The following KLF8 variants were observed in gnomAD, a reference collection of about 807,000 sequenced individuals.
KLF8 encodes the protein Krueppel-like factor 8.
In KLF8, 10 loss-of-function variants were observed where a neutral mutation model predicts 18.2. That is an observed-to-expected ratio of 0.55 (90% CI 0.34 to 0.93). The LOEUF is 0.93. Ranked by LOEUF, KLF8 falls within the 40% of genes least tolerant of loss-of-function variation. KLF8 has a pLI of 0.02. For missense variants in KLF8, 264 were observed against 277.9 expected (o/e 0.95, Z 0.36); for synonymous variants, 109 against 97.3 (o/e 1.12, Z -0.71).
chrX:56,166,852 G>C, the KLF8 span, among the ~76,000 whole-genome samples: 1 of 111,578 alleles, frequency 9.0e-6, no homozygotes, highest in Non-Finnish European at 1.9e-5. Context: ...GCCTACTATA[G>C]AGGTGCTCCA....
At chrX:55,973,959 T>A in the KLF8 span, among the ~76,000 whole-genome samples, 96 of 111,768 alleles carry the variant, frequency 8.6e-4, no homozygotes, top group African/African-American at 2.7e-3. Flanking sequence ...GTGGTCTGGA[T>A]AAATAAAATA....
chrX:56,126,621 C>T, the KLF8 span, among the ~76,000 whole-genome samples: 1 of 111,271 alleles, frequency 9.0e-6, no homozygotes, highest in South Asian at 3.7e-4. Flanking sequence ...CTCCTACTCC[C>T]TGTTTCCACT....
the KLF8 span, among the ~76,000 whole-genome samples, chrX:55,942,042 A>C: frequency 1.8e-5 from 2 of 111,799 alleles, no homozygotes; most frequent in East Asian, 5.6e-4. Flanking sequence ...ACTATAAGTC[A>C]TGCTGCCTTA....
chrX:55,998,868 G>A, the KLF8 span, among the ~76,000 whole-genome samples: 22 of 58,658 alleles, frequency 3.8e-4, no homozygotes, highest in Non-Finnish European at 5.8e-4. Flanking sequence ...TTTATTTTTT[G>A]TTTTTGTTGC....
the KLF8 span, among the ~76,000 whole-genome samples, chrX:56,118,168 C>A: frequency 9.0e-6 from 1 of 111,651 alleles, no homozygotes; most frequent in Admixed American, 9.5e-5. Flanking sequence ...TATAGCAATT[C>A]CTAATTGTAT....
the KLF8 span, among the ~76,000 whole-genome samples, chrX:56,014,578 A>C: frequency 1.8e-5 from 2 of 112,165 alleles, no homozygotes; most frequent in South Asian, 7.3e-4. Context: ...GCTATTCCTC[A>C]AAGACCTAGA....
the KLF8 span, among the ~76,000 whole-genome samples, chrX:56,033,350 AT>A: frequency 1.8e-5 from 2 of 111,172 alleles, no homozygotes; most frequent in Non-Finnish European, 3.8e-5. Flanking sequence ...AAATGACAGG[AT>A]TTTTTTCCTT....
At chrX:56,030,439 G>A in the KLF8 span, among the ~76,000 whole-genome samples, 1 of 111,731 alleles carries the variant, frequency 9.0e-6, no homozygotes, top group African/African-American at 3.3e-5. Flanking sequence ...TTATGAGTCT[G>A]TATAATAGTT....
chrX:56,247,854 ACACT>A (rs946368336), intron 1 of KLF8, among the ~76,000 whole-genome samples: 1 of 111,640 alleles, frequency 9.0e-6, no homozygotes, highest in Non-Finnish European at 1.9e-5. Flanking sequence ...TAGAAGGAGT[ACACT>A]CTAAAATGAT....
the KLF8 span, among the ~76,000 whole-genome samples, chrX:56,195,484 G>T: frequency 1.8e-5 from 2 of 111,918 alleles, no homozygotes; most frequent in Non-Finnish European, 3.8e-5. Flanking sequence ...AAGGGTATCA[G>T]TGATTGAAGA....
chrX:55,947,524 T>C, the KLF8 span, among the ~76,000 whole-genome samples: 8 of 106,200 alleles, frequency 7.5e-5, no homozygotes, highest in African/African-American at 2.8e-4. Context: ...CATTAGGAGA[T>C]ACACCTAATG....
the KLF8 span, among the ~76,000 whole-genome samples, chrX:55,917,106 G>A: frequency 2.7e-5 from 3 of 112,004 alleles, no homozygotes; most frequent in South Asian, 1.1e-3. Context: ...GCCTCCTCTG[G>A]AATCTGCTTT....
At chrX:55,966,645 C>G in the KLF8 span, among the ~76,000 whole-genome samples, 1 of 111,717 alleles carries the variant, frequency 9.0e-6, no homozygotes, top group Non-Finnish European at 1.9e-5. Context: ...CAAGTCTTCC[C>G]AAGAGGTATT....
chrX:56,267,028 CA>C, intron 3 of KLF8: 1 of 753,269 alleles, frequency 1.3e-6, no homozygotes, highest in Non-Finnish European at 1.6e-6. Flanking sequence ...AAAAAGGAAA[CA>C]AACAAAAAAG....
the KLF8 span, among the ~76,000 whole-genome samples, chrX:55,993,922 T>G: frequency 9.4e-6 from 1 of 106,286 alleles, no homozygotes; most frequent in African/African-American, 3.4e-5. Context: ...TTTTTTTTTT[T>G]TTTTTTTAGA....
At chrX:56,105,478 T>C in the KLF8 span, among the ~76,000 whole-genome samples, 1 of 111,342 alleles carries the variant, frequency 9.0e-6, no homozygotes, top group African/African-American at 3.3e-5. Context: ...ATGGCCTTCT[T>C]TCATTCTTTG....
At chrX:56,211,670 G>T in the KLF8 span, among the ~76,000 whole-genome samples, 112 of 112,091 alleles carry the variant, frequency 1.0e-3, no homozygotes, top group African/African-American at 3.6e-3. Flanking sequence ...AGGAGTCAGG[G>T]GCTAGAGTAA....
the KLF8 span, among the ~76,000 whole-genome samples, chrX:56,147,242 G>A: frequency 9.0e-6 from 1 of 111,627 alleles, no homozygotes; most frequent in Non-Finnish European, 1.9e-5. Flanking sequence ...TAGTGGTGAC[G>A]GAAAGAGCAT....
chrX:55,951,490 AAAAG>A, the KLF8 span, among the ~76,000 whole-genome samples: 11 of 109,250 alleles, frequency 1.0e-4, no homozygotes, highest in East Asian at 2.8e-4. Flanking sequence ...AAAAAAAAAA[AAAAG>A]AAAGAAAGAA....
Sources: allele counts gnomAD v4.1 joint callset (sites outside exome capture counted in the v4.1 genomes callset), GRCh38; gene constraint gnomAD v4.1.1; transcripts MANE v1.5; gene names NCBI Gene and HGNC (gene_info 2026-07-23, HGNC 2026-07-21).